Variants in BMPR1B observed in about 807,000 individuals in gnomAD.
The protein encoded by BMPR1B is bone morphogenetic protein receptor type 1B.
A neutral mutation model predicts 59.1 loss-of-function variants in BMPR1B; 12 were observed. The ratio of observed to expected loss-of-function variants is 0.20; its 90% CI spans 0.13 to 0.33. BMPR1B has a LOEUF of 0.33. BMPR1B is among the 10% of genes least tolerant of loss of function. BMPR1B has a pLI of 1.00. For missense variants in BMPR1B, 550 were observed against 610.9 expected, an observed-to-expected ratio of 0.90 and a Z score of 1.05; for synonymous variants, 237 against 207.3, an observed-to-expected ratio of 1.14 and a Z score of -1.23.
At position 95,131,560 on chromosome 4, in the gene BMPR1B, A is replaced by G. The variant is rs371439209; in HGVS notation, c.1076+48A>G. On this transcript the variant is annotated intron_variant, in intron 10 of 12. Transcript: ENST00000515059. ...ACATGTTTTATGACTCTTTTCTGTT[A>G]CTTTTTATTTTGTAGCGCAGTGCTT... 1.0e-5 allele frequency: 16 copies of G among 1,599,226 alleles called. No homozygotes were observed. The African/African-American group carries it at 2.1e-4, about 21-fold the overall frequency.
At chr4:94,997,691 T>A (rs1044803357) in intron 3 of BMPR1B, among the ~76,000 whole-genome samples, 1 of 152,138 alleles carries the variant, frequency 6.6e-6, no homozygotes, top group Non-Finnish European at 1.5e-5. Flanking sequence ...TTTGACAATA[T>A]CTTTATTTTG....
At chr4:94,816,930 A>G (rs1045878000) in intron 1 of BMPR1B, among the ~76,000 whole-genome samples, 5 of 152,180 alleles carry the variant, frequency 3.3e-5, no homozygotes, top group African/African-American at 1.2e-4. Context: ...AACTCAATTA[A>G]TGTGATTATA....
intron 3 of BMPR1B, among the ~76,000 whole-genome samples, chr4:95,072,800 A>C (rs1235307589): frequency 1.3e-5 from 2 of 152,200 alleles, no homozygotes; most frequent in Non-Finnish European, 2.9e-5. Flanking sequence ...GAAGAAGCAA[A>C]ACAAATTATT....
At chr4:95,029,203 C>T (rs1230100999) in intron 3 of BMPR1B, among the ~76,000 whole-genome samples, 3 of 151,130 alleles carry the variant, frequency 2.0e-5, no homozygotes, top group South Asian at 2.1e-4. Context: ...CCCATTAACT[C>T]GTCATTTAGC....
At chr4:94,903,991 A>G (rs1288173722) in intron 2 of BMPR1B, among the ~76,000 whole-genome samples, 1 of 152,086 alleles carries the variant, frequency 6.6e-6, no homozygotes, top group African/African-American at 2.4e-5. Context: ...AGTGAAGTGA[A>G]TAAATATGTA....
intron 2 of BMPR1B, among the ~76,000 whole-genome samples, chr4:94,912,456 G>T (rs1728314107): frequency 6.6e-6 from 1 of 152,080 alleles, no homozygotes; most frequent in South Asian, 2.1e-4. Flanking sequence ...AAGTTGCCTT[G>T]GGTGTTCCCA....
intron 2 of BMPR1B, among the ~76,000 whole-genome samples, chr4:94,980,291 A>G (rs1731186690): frequency 6.6e-6 from 1 of 152,232 alleles, no homozygotes; most frequent in Admixed American, 6.5e-5. Flanking sequence ...GCATGGTTAT[A>G]ATAGAATAAG....
chr4:95,090,454 T>TA (rs1233852623), intron 3 of BMPR1B, among the ~76,000 whole-genome samples: 1 of 152,044 alleles, frequency 6.6e-6, no homozygotes, highest in Non-Finnish European at 1.5e-5. Context: ...GTGGCACAGA[T>TA]ACTAGCTTGG....
rs544308603 is a variant in BMPR1B at position 94,799,730 on chromosome 4, A to G, written c.-183+41662A>G. Among the ~76,000 whole-genome samples, 3 of 147,546 alleles carry G rather than the reference A, an allele frequency of 2.0e-5. No homozygotes were observed. The East Asian group carries it at 6.3e-4, about 31-fold the overall frequency. On this transcript the variant is annotated intron_variant, in intron 1 of 12. Coordinates refer to ENST00000515059, the MANE Select transcript of BMPR1B (RefSeq NM_001203.3). ...TTCTGAGACAGAGTCTCACTCTGTCACCCAGGCTGGAGTGCAGTGGCGCAA... is the reference window on the plus strand; with the variant it reads ...TTCTGAGACAGAGTCTCACTCTGTCGCCCAGGCTGGAGTGCAGTGGCGCAA...
intron 1 of BMPR1B, among the ~76,000 whole-genome samples, chr4:94,770,888 C>CAA (rs11292596): frequency 2.3e-5 from 2 of 88,264 alleles, no homozygotes; most frequent in Non-Finnish European, 2.3e-5. Flanking sequence ...ATTAGCCCTG[C>CAA]AAAAAAAAAA....
intron 3 of BMPR1B, among the ~76,000 whole-genome samples, chr4:95,019,292 T>C (rs1723804624): frequency 6.6e-6 from 1 of 152,158 alleles, no homozygotes; most frequent in Non-Finnish European, 1.5e-5. Context: ...AATAGGGGCA[T>C]TTAATTTTAA....
At chr4:94,931,284 A>G (rs1729083137) in intron 2 of BMPR1B, among the ~76,000 whole-genome samples, 1 of 152,162 alleles carries the variant, frequency 6.6e-6, no homozygotes, top group African/African-American at 2.4e-5. Context: ...ACTCATAATA[A>G]TAGAGCAAAA....
At chr4:94,993,919 GTTAC>G (rs1381773666) in intron 2 of BMPR1B, among the ~76,000 whole-genome samples, 5 of 152,086 alleles carry the variant, frequency 3.3e-5, no homozygotes, top group African/African-American at 9.7e-5. Flanking sequence ...ATCTCTGTGT[GTTAC>G]TTAAATACAT....
intron 3 of BMPR1B, among the ~76,000 whole-genome samples, chr4:95,000,478 C>T (rs921432272): frequency 1.7e-4 from 26 of 151,174 alleles, no homozygotes; most frequent in African/African-American, 5.1e-4. Flanking sequence ...TGCACTCCAG[C>T]CTGGCGACAG....
chr4:94,780,961 T>C (rs1419955882), intron 1 of BMPR1B, among the ~76,000 whole-genome samples: 2 of 152,150 alleles, frequency 1.3e-5, no homozygotes, highest in African/African-American at 2.4e-5. Flanking sequence ...GTTCTGGGAT[T>C]ACAGGTGTGA....
At chr4:95,072,755 A>G (rs894004985) in intron 3 of BMPR1B, among the ~76,000 whole-genome samples, 2 of 152,178 alleles carry the variant, frequency 1.3e-5, no homozygotes, top group African/African-American at 4.8e-5. Flanking sequence ...TTCATTTGGA[A>G]GGTGGTAGAA....
chr4:94,974,834 C>T (rs1730952317), intron 2 of BMPR1B, among the ~76,000 whole-genome samples: 1 of 152,112 alleles, frequency 6.6e-6, no homozygotes. Flanking sequence ...CTGATTCCCA[C>T]CACTCTCCCA....
chr4:95,026,782 G>C (rs891860884), intron 3 of BMPR1B, among the ~76,000 whole-genome samples: 1 of 138,640 alleles, frequency 7.2e-6, no homozygotes, highest in Non-Finnish European at 1.5e-5. Flanking sequence ...TTATTTATTA[G>C]AGGTAGTGTC....
chr4:94,831,413 A>G (rs770975224), intron 1 of BMPR1B, among the ~76,000 whole-genome samples: 13 of 152,284 alleles, frequency 8.5e-5, no homozygotes, highest in Non-Finnish European at 1.3e-4. Flanking sequence ...TTATTAAAGA[A>G]AAATATTTAT....
Sources: allele counts gnomAD v4.1 joint callset (sites outside exome capture counted in the v4.1 genomes callset), GRCh38; gene constraint gnomAD v4.1.1; transcripts MANE v1.5; gene names NCBI Gene and HGNC (gene_info 2026-07-23, HGNC 2026-07-21).